Variants in NPEPPS observed in about 807,000 individuals in gnomAD.
The protein encoded by NPEPPS is aminopeptidase puromycin sensitive, also known as puromycin-sensitive aminopeptidase.
Under a neutral mutation model 115.5 loss-of-function variants are expected in NPEPPS, and 14 were observed. The ratio of observed to expected loss-of-function variants is 0.12; its 90% CI spans 0.08 to 0.19. The LOEUF (loss-of-function observed/expected upper bound fraction) is 0.19, where lower values mean the gene tolerates loss of function less well. Ranked by LOEUF, NPEPPS falls within the 10% of genes least tolerant of loss-of-function variation. NPEPPS has a pLI of 1.00. For missense variants in NPEPPS, 523 were observed against 1,110.8 expected (o/e 0.47, Z 7.52); for synonymous variants, 285 against 390.6 (o/e 0.73, Z 3.19).
At chr17:47,545,113 T>A (rs1457012486) in intron 1 of NPEPPS, among the ~76,000 whole-genome samples, 2 of 151,986 alleles carry the variant, frequency 1.3e-5, no homozygotes, top group Non-Finnish European at 2.9e-5. Flanking sequence ...TAAGGGATCC[T>A]CCTCCCTCAG....
intron 19 of NPEPPS, among the ~76,000 whole-genome samples, chr17:47,614,940 G>A (rs1158114403): frequency 1.3e-5 from 2 of 152,082 alleles, no homozygotes; most frequent in African/African-American, 4.8e-5. Flanking sequence ...CATAATTGCA[G>A]ATCTAAATTC....
At chr17:47,601,800 C>T in intron 15 of NPEPPS, 53 bp downstream of exon 15, 2 of 1,548,030 alleles carry the variant, frequency 1.3e-6, no homozygotes, top group Non-Finnish European at 1.8e-6. Flanking sequence ...CATTTTATGG[C>T]CGGTTTTAAA....
upstream of NPEPPS, among the ~76,000 whole-genome samples, chr17:47,529,918 T>TTTTATTTA (rs200538359): frequency 1.1e-3 from 64 of 58,438 alleles, no homozygotes; most frequent in African/African-American, 2.0e-3. Flanking sequence ...AAACATCCCA[T>TTTTATTTA]TTTATTTATT....
At chr17:47,557,916 C>T (rs1299860015) in intron 2 of NPEPPS, among the ~76,000 whole-genome samples, 1 of 130,886 alleles carries the variant, frequency 7.6e-6, no homozygotes, top group Non-Finnish European at 1.8e-5. Context: ...CTTCCCCAGG[C>T]AATTATGATT....
chr17:47,619,542 G>A, intron 21 of NPEPPS, 195 bp from the exon 22 acceptor site: 2 of 565,478 alleles, frequency 3.5e-6, no homozygotes, highest in Non-Finnish European at 6.3e-6. Flanking sequence ...CAACAAGTGT[G>A]AAACTCCGTC....
Position 47,582,638 on chromosome 17 carries a change from T to G in NPEPPS, c.541-104T>G, listed in dbSNP as rs1450938967. On this transcript the variant is annotated intron_variant, in intron 4 of 22. Coordinates refer to ENST00000322157, the MANE Select transcript of NPEPPS (RefSeq NM_006310.4). ...TGGCACTGAAGAGAAAGTAAATATT[T>G]GAACAAGGGAATGAATGAATGACAG... is the stretch of plus-strand genomic sequence containing the variant. The G allele has an allele frequency of 3.8e-6, 3 of 795,820 alleles. No homozygotes were observed. In the Admixed American group the frequency reaches 5.9e-5, roughly 16 times the overall value. 49.3% of individuals were successfully genotyped at this position (795,820 alleles called of 1,614,324 possible). A position where few individuals can be genotyped will look rare whatever the true frequency, so the allele number is the denominator to read the frequency against.
chr17:47,554,206 A>G (rs574298120), intron 2 of NPEPPS, among the ~76,000 whole-genome samples: 38 of 151,090 alleles, frequency 2.5e-4, no homozygotes, highest in Admixed American at 7.3e-4. Flanking sequence ...ACGCCTGGCT[A>G]ATTTTGTATT....
At chr17:47,584,600 G>T (rs1912073634) in intron 5 of NPEPPS, among the ~76,000 whole-genome samples, 2 of 152,214 alleles carry the variant, frequency 1.3e-5, no homozygotes, top group Admixed American at 6.5e-5. Context: ...TTTAGTATGA[G>T]TGAATTTATC....
intron 19 of NPEPPS, 28 bp from the exon 20 acceptor site, chr17:47,618,322 A>G: frequency 2.0e-6 from 3 of 1,463,762 alleles, no homozygotes; most frequent in Non-Finnish European, 2.9e-6. Flanking sequence ...AGAGTTAACT[A>G]TTCCTATCTT....
rs1912587400 is a variant in NPEPPS at position 47,592,745 on chromosome 17, T to C, written c.1426+200T>C. 3 of 489,774 alleles carry C rather than the reference T, an allele frequency of 6.1e-6. No homozygotes were observed. In the Admixed American group the frequency reaches 1.1e-4, roughly 17 times the overall value. 30.3% of individuals were successfully genotyped at this position (489,774 alleles called of 1,614,324 possible). On this transcript the variant is annotated intron_variant, in intron 12 of 22. Transcript: ENST00000322157. ...GAAATGCTCCAGAATCTGAAACTTT[T>C]TCTTTCCTTTCTTTCTTTTTTTTAA...
chr17:47,594,591 T>TTTATG (rs71141919), intron 12 of NPEPPS, among the ~76,000 whole-genome samples: 21,228 of 138,076 alleles, frequency 0.15, 1,825 homozygotes, highest in African/African-American at 0.2. Flanking sequence ...TGTATTTTAT[T>TTTATG]TTATGTTATG....
At chr17:47,615,217 ACAGGCAC>A (rs1255575377) in intron 19 of NPEPPS, among the ~76,000 whole-genome samples, 1 of 151,696 alleles carries the variant, frequency 6.6e-6, no homozygotes, top group Non-Finnish European at 1.5e-5. Context: ...AGCTGGGACT[ACAGGCAC>A]CCGCCACCAC....
intron 1 of NPEPPS, among the ~76,000 whole-genome samples, chr17:47,535,243 A>T (rs1395170991): frequency 6.0e-5 from 1 of 16,644 alleles, no homozygotes; most frequent in African/African-American, 1.2e-4. Context: ...ACTCTGTCTC[A>T]AAAAAAAAAA....
chr17:47,536,635 TCCAC>T (rs1226530915), intron 1 of NPEPPS, among the ~76,000 whole-genome samples: 2 of 151,026 alleles, frequency 1.3e-5, no homozygotes, highest in East Asian at 3.9e-4. Context: ...CCTCTGGTGA[TCCAC>T]CCACCTCAGC....
Position 47,619,068 on chromosome 17 carries a change from G to C in NPEPPS, c.2463G>C (p.Lys821Asn). The C allele has an allele frequency of 6.2e-7, 1 of 1,613,948 alleles. No homozygotes were observed. The highest frequency in any genetic ancestry group is 8.5e-7 in the Non-Finnish European group (1 of 1,179,842). Residue 821 changes from lysine to asparagine, a missense_variant, in exon 21 of 23, where the codon AAG (lysine) becomes AAC (asparagine). Physicochemically the swap from Lys to Asn is moderately conservative, Grantham distance 94 (BLOSUM62 0). Around this residue, in one of 4 missense-constraint regions of NPEPPS, gnomAD observed 372 missense variants for 542.6 expected, o/e 0.69. Coordinates refer to ENST00000322157, the MANE Select transcript of NPEPPS (RefSeq NM_006310.4). ...TTGGTGGAGTAGCTGGAGGCAGCAA[G>C]CATGGTAGGAAAGCTGCTTGGAAAT... ...SVIGGVAGGS[K>N]HGRKAAWKFI...
At chr17:47,600,798 A>G (rs996017537) in intron 14 of NPEPPS, among the ~76,000 whole-genome samples, 1 of 152,180 alleles carries the variant, frequency 6.6e-6, no homozygotes, top group Non-Finnish European at 1.5e-5. Flanking sequence ...GCTTGTAGAT[A>G]TGACTCCTCT....
intron 2 of NPEPPS, among the ~76,000 whole-genome samples, chr17:47,556,565 C>T (rs1020215138): frequency 6.6e-6 from 1 of 152,216 alleles, no homozygotes; most frequent in Non-Finnish European, 1.5e-5. Flanking sequence ...CCGCCATCGT[C>T]ATCATGGCCC....
intron 14 of NPEPPS, 131 bp from the exon 15 acceptor site, chr17:47,601,477 A>G: frequency 1.1e-6 from 1 of 905,482 alleles, no homozygotes; most frequent in Non-Finnish European, 1.7e-6. Flanking sequence ...GGAAGAGTTC[A>G]TGTACCACTA....
At chr17:47,614,296 G>A (rs1031300046) in intron 19 of NPEPPS, among the ~76,000 whole-genome samples, 1 of 152,094 alleles carries the variant, frequency 6.6e-6, no homozygotes, top group South Asian at 2.1e-4. Context: ...ATAAATGTTC[G>A]TTTTGATTAA....
Sources: gnomAD v4.1 joint callset for allele counts (sites outside exome capture counted in the v4.1 genomes callset) on GRCh38, gnomAD v4.1.1 for gene constraint, gnomAD v4.1.1 regional missense constraint, MANE v1.5 for transcripts, NCBI Gene and HGNC (gene_info 2026-07-23, HGNC 2026-07-21) for gene names.